MALRD1: variants seen among roughly 807,000 people sequenced by gnomAD.
MALRD1 encodes MAM and LDL-receptor class A domain-containing protein 1.
In MALRD1, 247 loss-of-function variants were observed where a neutral mutation model predicts 242.1. The observed-to-expected ratio is 1.02, with a 90% CI of 0.92 to 1.13. The LOEUF (loss-of-function observed/expected upper bound fraction) is 1.13, where lower values mean the gene tolerates loss of function less well. Ranked by LOEUF, MALRD1 falls within the 50% of genes most tolerant of loss-of-function variation. MALRD1 has a pLI of 0.00. For missense variants in MALRD1, 2,989 were observed against 2,533.1 expected (o/e 1.18, Z -3.86); for synonymous variants, 995 against 866.6 (o/e 1.15, Z -2.60).
intron 31 of MALRD1, among the ~76,000 whole-genome samples, chr10:19,530,465 A>ACAAT (rs1564417668): frequency 6.7e-5 from 6 of 89,540 alleles, no homozygotes; most frequent in Non-Finnish European, 1.1e-4. Flanking sequence ...ATATAATAAT[A>ACAAT]AATAATTATA....
In MALRD1 at chr10:19,538,481, A is replaced by T. The variant is rs529960721; in HGVS notation, c.5478+7130A>T. Among the ~76,000 whole-genome samples, 8 of 152,278 alleles carry T rather than the reference A, an allele frequency of 5.3e-5. No homozygotes were observed. The East Asian group carries it at 1.5e-3, about 29-fold the overall frequency. On this transcript the variant is annotated intron_variant, in intron 32 of 39. Coordinates refer to ENST00000454679, the MANE Select transcript of MALRD1 (RefSeq NM_001142308.3). ...TCAAATTAATGCACTCTTTAAAATG[A>T]TGGTGGTCACTTTTTGATCCATACT...
chr10:19,253,656 C>G (rs1839388182), intron 18 of MALRD1, among the ~76,000 whole-genome samples: 1 of 151,990 alleles, frequency 6.6e-6, no homozygotes, highest in African/African-American at 2.4e-5. Context: ...CAAGGCAGTT[C>G]AAACTCATGT....
chr10:19,559,692 A>C (rs1174252377), intron 32 of MALRD1, among the ~76,000 whole-genome samples: 1 of 152,154 alleles, frequency 6.6e-6, no homozygotes, highest in African/African-American at 2.4e-5. Context: ...CTATTATCAG[A>C]GTGAAGGCAA....
chr10:19,558,686 G>T (rs1835831782), intron 32 of MALRD1, among the ~76,000 whole-genome samples: 1 of 152,102 alleles, frequency 6.6e-6, no homozygotes, highest in Non-Finnish European at 1.5e-5. Context: ...ATGTTGGTCT[G>T]TAGTTTTCCT....
chr10:19,625,244 A>G (rs1050485173), intron 36 of MALRD1, among the ~76,000 whole-genome samples: 2 of 152,118 alleles, frequency 1.3e-5, no homozygotes, highest in African/African-American at 4.8e-5. Flanking sequence ...GAGTTCCATG[A>G]TACTATGAGG....
chr10:19,648,897 C>A (rs1429026062), intron 36 of MALRD1, among the ~76,000 whole-genome samples: 2 of 152,082 alleles, frequency 1.3e-5, no homozygotes, highest in Admixed American at 1.3e-4. Flanking sequence ...CTCCTCTCAC[C>A]CACCTCAAGT....
intron 18 of MALRD1, among the ~76,000 whole-genome samples, chr10:19,240,364 A>C (rs1838704743): frequency 6.6e-6 from 1 of 151,872 alleles, no homozygotes; most frequent in Admixed American, 6.6e-5. Context: ...TTTATTTATT[A>C]TTTCTAGTAG....
At chr10:19,327,733 T>C (rs1843198463) in intron 23 of MALRD1, 60 bp downstream of exon 23, 1 of 1,302,018 alleles carries the variant, frequency 7.7e-7, no homozygotes, top group Admixed American at 2.0e-5. Context: ...CATCCTCATT[T>C]ATTTCCTTCT....
At chr10:19,564,072 G>A (rs1395941883) in intron 32 of MALRD1, among the ~76,000 whole-genome samples, 2 of 152,200 alleles carry the variant, frequency 1.3e-5, no homozygotes, top group Non-Finnish European at 2.9e-5. Flanking sequence ...TGGAGAGCCT[G>A]CAGAACCATG....
At chr10:19,284,653 G>A (rs1194333570) in intron 21 of MALRD1, among the ~76,000 whole-genome samples, 2 of 142,080 alleles carry the variant, frequency 1.4e-5, no homozygotes, top group Non-Finnish European at 1.5e-5. Flanking sequence ...GTCTATCATT[G>A]TTGGACATTT....
In MALRD1 at chr10:19,248,056, T is replaced by A. The variant is rs551547457; in HGVS notation, c.2992-9628T>A. Among the ~76,000 whole-genome samples the A allele has an allele frequency of 3.3e-5, 5 of 152,190 alleles. No individual in the cohort carries two copies. The South Asian group carries it at 1.0e-3, about 32-fold the overall frequency. On this transcript the variant is annotated intron_variant, in intron 18 of 39. Transcript: ENST00000454679. Reference sequence around the variant, plus strand: ...GGTGTGCTAAGGCCTTTGCTTTAAATGAACATGGTTTAATCATTTGTGCTG... The same window carrying A: ...GGTGTGCTAAGGCCTTTGCTTTAAAAGAACATGGTTTAATCATTTGTGCTG...
At chr10:19,281,090 AG>A (rs1359619000) in intron 20 of MALRD1, among the ~76,000 whole-genome samples, 1 of 151,740 alleles carries the variant, frequency 6.6e-6, no homozygotes, top group African/African-American at 2.4e-5. Context: ...CTTTTAATCT[AG>A]AAAAAAATGT....
intron 21 of MALRD1, among the ~76,000 whole-genome samples, chr10:19,294,627 T>C (rs565493270): frequency 7.2e-5 from 11 of 152,142 alleles, no homozygotes; most frequent in Non-Finnish European, 1.5e-4. Flanking sequence ...GGTAACGACC[T>C]GTCAGGACTG....
intron 18 of MALRD1, among the ~76,000 whole-genome samples, chr10:19,218,388 T>C (rs1325955303): frequency 6.6e-6 from 1 of 152,170 alleles, no homozygotes; most frequent in Non-Finnish European, 1.5e-5. Context: ...ACATATATTA[T>C]TAAAATCTTC....
At chr10:19,270,901 C>T (rs1053417507) in intron 19 of MALRD1, among the ~76,000 whole-genome samples, 1 of 151,238 alleles carries the variant, frequency 6.6e-6, no homozygotes, top group East Asian at 1.9e-4. Context: ...GACAAATGAA[C>T]TATGTAAATG....
chr10:19,124,714 C>T lies in MALRD1; in HGVS notation c.943+44C>T, dbSNP rs146278796. On this transcript the variant is annotated intron_variant, in intron 7 of 39. Transcript: ENST00000454679. ...TCTTTTATGTATTACTTTCAGAATTCTGCTTTATGGTGACTAGTTATAAGA... is the reference window on the plus strand; with the variant it reads ...TCTTTTATGTATTACTTTCAGAATTTTGCTTTATGGTGACTAGTTATAAGA... 5.6e-4 allele frequency: 692 copies of T among 1,228,936 alleles called. No homozygotes were observed. The African/African-American group carries it at 0.01, about 18-fold the overall frequency. The allele number at this position is 1,228,936 out of a possible 1,614,324, so 76.1% of individuals were successfully genotyped here.
At chr10:19,063,341 C>G (rs867219373) in intron 1 of MALRD1, among the ~76,000 whole-genome samples, 20 of 152,072 alleles carry the variant, frequency 1.3e-4, no homozygotes, top group African/African-American at 4.8e-4. Context: ...CTAGATTTTT[C>G]ATAATTCTTA....
Position 19,176,366 on chromosome 10 carries a change from C to CTTTTTTTTTTTTTTTTTT in MALRD1, c.1951+1040_1951+1057dup, listed in dbSNP as rs11443184. On this transcript the variant is annotated intron_variant, in intron 14 of 39. Coordinates refer to ENST00000454679, the MANE Select transcript of MALRD1 (RefSeq NM_001142308.3). ...TCGAGAGAGTGTATATTTCTGGGTG[C>CTTTTTTTTTTTTTTTTTT]TTTTTTTTTTTTTTTTTTTGAGACG... 4.7e-3 allele frequency among the ~76,000 whole-genome samples: 413 copies of CTTTTTTTTTTTTTTTTTT among 87,262 alleles called. 43 individuals are homozygous for CTTTTTTTTTTTTTTTTTT. Among genetic ancestry groups the CTTTTTTTTTTTTTTTTTT allele is most frequent in the Non-Finnish European group, 7.1e-3 (309 of 43,368 alleles). The allele number at this position is 87,262 out of a possible 152,430, so 57.2% of individuals were successfully genotyped here. A position where few individuals can be genotyped will look rare whatever the true frequency, so the allele number is the denominator to read the frequency against.
chr10:19,479,725 C>T (rs956488035), intron 29 of MALRD1, among the ~76,000 whole-genome samples: 5 of 152,152 alleles, frequency 3.3e-5, no homozygotes, highest in African/African-American at 9.7e-5. Context: ...ATCTCCTATC[C>T]ATTTTACAGC....
Sources: gnomAD v4.1 joint callset for allele counts (sites outside exome capture counted in the v4.1 genomes callset) on GRCh38, gnomAD v4.1.1 for gene constraint, MANE v1.5 for transcripts, NCBI Gene and HGNC (gene_info 2026-07-23, HGNC 2026-07-21) for gene names.